The following ASXL3 variants were observed in gnomAD, a reference collection of about 807,000 sequenced individuals.
The protein encoded by ASXL3 is ASXL transcriptional regulator 3.
In ASXL3, 34 loss-of-function variants were observed where a neutral mutation model predicts 170.6. That is an observed-to-expected ratio of 0.20 (90% CI 0.15 to 0.27). The LOEUF is 0.27. Among genes scored for constraint, ASXL3 ranks in the 10% least tolerant of loss-of-function variants. The pLI, the probability that ASXL3 is intolerant of heterozygous loss-of-function variation, is 1.00. For missense variants in ASXL3, 2,592 were observed against 2,695.3 expected (o/e 0.96, Z 0.85); for synonymous variants, 1,002 against 989.1 (o/e 1.01, Z -0.24).
At position 33,688,285 on chromosome 18, in the gene ASXL3, G is replaced by GT. The variant is rs541949761; in HGVS notation, c.879+4723dup. Among the ~76,000 whole-genome samples the GT allele has an allele frequency of 6.6e-5, 10 of 152,254 alleles. No homozygotes were observed. In the South Asian group the frequency reaches 2.1e-3, roughly 32 times the overall value. On this transcript the variant is annotated intron_variant, in intron 8 of 11. Transcript: ENST00000269197. ...GAGGTCAGAGATACTGTAAAAATCTGTTTTTTAGAAGTTTTATCAGGGGAT... is the reference window on the plus strand; with the variant it reads ...GAGGTCAGAGATACTGTAAAAATCTGTTTTTTTAGAAGTTTTATCAGGGGAT...
Position 33,743,929 on chromosome 18 carries a change from C to T in ASXL3, c.4081C>T (p.Pro1361Ser). Residue 1361 changes from proline to serine, a missense_variant, in exon 12 of 12, where the codon CCC becomes TCC. Around this residue, in one of 4 missense-constraint regions of ASXL3, gnomAD observed 2,246 missense variants for 2,219.6 expected, o/e 1.01. Coordinates refer to ENST00000269197, the MANE Select transcript of ASXL3 (RefSeq NM_030632.3). ...CCTCTCCACTAGCTCTGTCTTGATT[C>T]CCCCAATGGGAATTAACAACAGATT... is the stretch of plus-strand genomic sequence containing the variant. ...PNLSTSSVLIPPMGINNRFPS... is the reference protein window; with the variant it reads ...PNLSTSSVLISPMGINNRFPS... 6.2e-7 allele frequency: 1 copy of T among 1,613,988 alleles called. No individual in the cohort carries two copies. Among genetic ancestry groups the T allele is most frequent in the South Asian group, 1.1e-5 (1 of 91,074 alleles).
chr18:33,690,152 C>A (rs573510078), intron 8 of ASXL3: 1 of 152,302 alleles, frequency 6.6e-6, no homozygotes, highest in South Asian at 2.1e-4. Context: ...GGTGAGCCAC[C>A]ATGCTCAACC....
intron 7 of ASXL3, among the ~76,000 whole-genome samples, chr18:33,677,197 A>G (rs185607062): frequency 1.1e-3 from 172 of 152,306 alleles, no homozygotes; most frequent in African/African-American, 4.0e-3. Context: ...GTGAAGAATT[A>G]TAGCTTTGTT....
chr18:33,609,005 C>T, intron 2 of ASXL3: 1 of 984,288 alleles, frequency 1.0e-6, no homozygotes, highest in Non-Finnish European at 1.2e-6. Context: ...GAGAAATAGC[C>T]TAAGATAATA....
Position 33,683,511 on chromosome 18 carries a change from C to T in ASXL3, c.822C>T (p.Ser274=), listed in dbSNP as rs1235290922. 2 of 1,613,524 alleles carry T rather than the reference C, an allele frequency of 1.2e-6. No individual in the cohort carries two copies. The highest frequency in any genetic ancestry group is 1.7e-6 in the Non-Finnish European group (2 of 1,179,698). Residue 274 remains serine, a synonymous_variant, in exon 8 of 12, where the codon TCC becomes TCT. Coordinates refer to ENST00000269197, the MANE Select transcript of ASXL3 (RefSeq NM_030632.3). ...RALINKHTFA[S]LPQHFQQYLL... is the part of the protein sequence containing the mutation. ...TAATAAATAAACATACGTTTGCTTC[C>T]TTACCTCAGCATTTTCAACAATACC...
chr18:33,728,295 C>T (rs1206470935), intron 8 of ASXL3, among the ~76,000 whole-genome samples: 1 of 152,128 alleles, frequency 6.6e-6, no homozygotes, highest in African/African-American at 2.4e-5. Context: ...TCCACTGTGT[C>T]TTCTATACAT....
At chr18:33,586,544 C>A (rs1361241696) in intron 1 of ASXL3, among the ~76,000 whole-genome samples, 1 of 151,942 alleles carries the variant, frequency 6.6e-6, no homozygotes, top group East Asian at 1.9e-4. Flanking sequence ...TTGATAGCTT[C>A]ATTTCTCTTT....
rs569216857 is a variant in ASXL3 at position 33,672,870 on chromosome 18, T to C, written c.715+1004T>C. Among the ~76,000 whole-genome samples the C allele has an allele frequency of 2.0e-5, 3 of 152,316 alleles. No homozygotes were observed. In the South Asian group the frequency reaches 6.2e-4, roughly 32 times the overall value. On this transcript the variant is annotated intron_variant, in intron 7 of 11. Coordinates refer to ENST00000269197, the MANE Select transcript of ASXL3 (RefSeq NM_030632.3). The stretch of plus-strand genomic sequence containing the variant: ...GGACATACTTCTAATAAAAAGACTT[T>C]AAATAGGATTTATTTATATTTAAAT...
At chr18:33,605,089 T>A (rs2065229691) in intron 1 of ASXL3, among the ~76,000 whole-genome samples, 1 of 151,868 alleles carries the variant, frequency 6.6e-6, no homozygotes. Context: ...ATAAAACAGA[T>A]CTCCCACCAA....
intron 11 of ASXL3, 30 bp downstream of exon 11, chr18:33,740,473 C>T: frequency 6.7e-7 from 1 of 1,486,830 alleles, no homozygotes; most frequent in Non-Finnish European, 8.9e-7. Context: ...AAAGGCAATT[C>T]CGTAGATAGG....
intron 4 of ASXL3, among the ~76,000 whole-genome samples, chr18:33,656,335 T>C (rs2066084140): frequency 6.6e-6 from 1 of 152,114 alleles, no homozygotes; most frequent in Non-Finnish European, 1.5e-5. Context: ...AGGGAGTGTT[T>C]GGAAAGAGAA....
chr18:33,686,562 G>C (rs532433735), intron 8 of ASXL3, among the ~76,000 whole-genome samples: 1 of 152,156 alleles, frequency 6.6e-6, no homozygotes, highest in African/African-American at 2.4e-5. Context: ...CCAAAGAAAA[G>C]TGAATTTTAC....
At chr18:33,590,481 A>G (rs2065068968) in intron 1 of ASXL3, among the ~76,000 whole-genome samples, 1 of 152,178 alleles carries the variant, frequency 6.6e-6, no homozygotes, top group Non-Finnish European at 1.5e-5. Context: ...ATGCTGGAAA[A>G]ACAAATTATA....
At position 33,745,851 on chromosome 18, in the gene ASXL3, G is replaced by A. The variant is rs768341199; in HGVS notation, c.6003G>A (p.Glu2001=). The change falls in exon 12 of 12, where the codon GAG becomes GAA. Residue 2001 remains glutamate (E), a synonymous_variant. Coordinates refer to ENST00000269197, the MANE Select transcript of ASXL3 (RefSeq NM_030632.3). ...SPNMPMKEGD[E]VGGTAHTMPN... is the part of the protein sequence containing the mutation. ...ATATGCCCATGAAAGAAGGTGATGA[G>A]GTGGGAGGCACTGCACACACAATGC... 9 of 1,613,912 alleles carry A rather than the reference G, an allele frequency of 5.6e-6. No individual in the cohort carries two copies. The South Asian group carries it at 6.6e-5, about 12-fold the overall frequency.
At chr18:33,670,563 A>T in intron 5 of ASXL3, 110 bp from the exon 6 acceptor site, 2 of 671,728 alleles carry the variant, frequency 3.0e-6, no homozygotes. Flanking sequence ...GTGGAATTTA[A>T]GTCTCTTAAG....
At chr18:33,641,078 A>G (rs1165012865) in intron 2 of ASXL3, among the ~76,000 whole-genome samples, 2 of 152,118 alleles carry the variant, frequency 1.3e-5, no homozygotes, top group Non-Finnish European at 2.9e-5. Flanking sequence ...CATGCCTGCA[A>G]ATAGTCTTCC....
Position 33,578,599 on chromosome 18 carries a change from C to T in ASXL3, c.-33C>T. On this transcript the variant is annotated 5_prime_UTR_variant, in exon 1 of 12. It adds an upstream start codon to the 5' untranslated region. Coordinates refer to ENST00000269197, the MANE Select transcript of ASXL3 (RefSeq NM_030632.3). ...CCCGAGCACCCCGTGGAATCCCCCA[C>T]GTCATCATCAGAACCATCAATGAGA... 7.9e-7 allele frequency: 1 copy of T among 1,271,144 alleles called. No individual in the cohort carries two copies. The highest frequency in any genetic ancestry group is 1.0e-6 in the Non-Finnish European group (1 of 977,034). The allele number at this position is 1,271,144 out of a possible 1,614,324, so 78.7% of individuals were successfully genotyped here.
In ASXL3 at chr18:33,746,046, A is replaced by T; in HGVS notation, c.6198A>T (p.Arg2066Ser). ...CAGTTACCATGGAAACCACTAAGAG[A>T]CTTAGTTGGCCACAGTCCACGGGCA... is the stretch of plus-strand genomic sequence containing the variant. ...QPPVTMETTK[R>S]LSWPQSTGIC... is the part of the protein sequence containing the mutation. The change falls in exon 12 of 12, where the codon AGA (arginine) becomes AGT (serine). Residue 2066 changes from arginine to serine, a missense_variant. Arg to Ser is a moderately radical substitution (Grantham distance 110). Transcript: ENST00000269197. 6.2e-7 allele frequency: 1 copy of T among 1,612,780 alleles called. No individual in the cohort carries two copies. The highest frequency in any genetic ancestry group is 2.2e-5 in the East Asian group (1 of 44,812).
chr18:33,676,612 C>G (rs750178014), intron 7 of ASXL3, among the ~76,000 whole-genome samples: 1 of 152,174 alleles, frequency 6.6e-6, no homozygotes, highest in Non-Finnish European at 1.5e-5. Flanking sequence ...TCTACAAGGA[C>G]TCCTTTATTA....
Sources: allele counts gnomAD v4.1 joint callset (sites outside exome capture counted in the v4.1 genomes callset), GRCh38; gene constraint gnomAD v4.1.1; regional missense constraint gnomAD v4.1.1; transcripts MANE v1.5; gene names NCBI Gene and HGNC (gene_info 2026-07-23, HGNC 2026-07-21).